Variants in KCNQ5 observed in about 807,000 individuals in gnomAD.
KCNQ5 encodes the protein potassium voltage-gated channel subfamily Q member 5, also known as potassium voltage-gated channel subfamily KQT member 5.
A neutral mutation model predicts 98.2 loss-of-function variants in KCNQ5; 30 were observed. The ratio of observed to expected loss-of-function variants is 0.31; its 90% confidence interval spans 0.23 to 0.41. The LOEUF is 0.41. KCNQ5 is among the 10% of genes least tolerant of loss of function. The pLI is 1.00. For synonymous variants in KCNQ5, 458 were observed against 449.4 expected, an observed-to-expected ratio of 1.02 and a Z score of -0.24; for missense variants, 835 against 1,182.5, an observed-to-expected ratio of 0.71 and a Z score of 4.31.
intron 1 of KCNQ5, among the ~76,000 whole-genome samples, chr6:72,842,628 C>T (rs1310714169): frequency 1.3e-5 from 2 of 152,192 alleles, no homozygotes; most frequent in African/African-American, 4.8e-5. Context: ...TCTATTTCTC[C>T]ACATCCTCTC....
chr6:72,811,533 T>A (rs1024890159), intron 1 of KCNQ5, among the ~76,000 whole-genome samples: 3 of 152,222 alleles, frequency 2.0e-5, no homozygotes, highest in Admixed American at 1.3e-4. Context: ...AATGCTATAT[T>A]CTACCAGTAG....
rs1328544114 is a variant in KCNQ5, at chr6:73,120,553, C to A, written c.1196C>A (p.Ala399Asp). ...SIATWKPHLK[A>D]LHTCSPTKKE... is the part of the protein sequence containing the mutation. ...GCAACCTGGAAGCCACACTTGAAGG[C>A]CTTGCACACCTGCAGCCCTACCAAG... Residue 399 changes from alanine (A) to aspartate (D), a missense_variant, in exon 8 of 14, where the codon GCC (alanine) becomes GAC (aspartate). By Grantham distance (126) the Ala-to-Asp change is moderately radical. Around this residue, in one of 10 missense-constraint regions of KCNQ5, gnomAD observed 146 missense variants for 256.7 expected, o/e 0.57. Coordinates refer to ENST00000370398, the MANE Select transcript of KCNQ5 (RefSeq NM_019842.4). 6 of 1,611,402 alleles carry A rather than the reference C, an allele frequency of 3.7e-6. No individual in the cohort carries two copies. Among genetic ancestry groups the A allele is most frequent in the Non-Finnish European group, 5.1e-6 (6 of 1,178,126 alleles).
At chr6:73,061,974 A>G (rs1295891662) in intron 3 of KCNQ5, among the ~76,000 whole-genome samples, 5 of 152,180 alleles carry the variant, frequency 3.3e-5, no homozygotes, top group African/African-American at 4.8e-5. Flanking sequence ...AATATCTTCA[A>G]TAAGGCATTC....
intron 2 of KCNQ5, among the ~76,000 whole-genome samples, chr6:73,022,474 T>C (rs1026005825): frequency 6.6e-6 from 1 of 152,128 alleles, no homozygotes; most frequent in South Asian, 2.1e-4. Context: ...AGTCCTCATC[T>C]AGCACATGCC....
At chr6:72,734,239 T>C (rs769126799) in intron 1 of KCNQ5, among the ~76,000 whole-genome samples, 1 of 152,250 alleles carries the variant, frequency 6.6e-6, no homozygotes, top group East Asian at 1.9e-4. Flanking sequence ...TGTTATTTAA[T>C]TGAATGTTAA....
chr6:72,917,254 A>C (rs906864786), intron 1 of KCNQ5, among the ~76,000 whole-genome samples: 6 of 152,172 alleles, frequency 3.9e-5, no homozygotes, highest in Non-Finnish European at 2.9e-5. Context: ...TAAGCCAGAA[A>C]AAAATACCAA....
intron 1 of KCNQ5, among the ~76,000 whole-genome samples, chr6:72,744,709 G>A (rs1168332225): frequency 6.6e-6 from 1 of 152,064 alleles, no homozygotes; most frequent in African/African-American, 2.4e-5. Flanking sequence ...TGCTTGGGAG[G>A]CTGAGGCAGG....
chr6:73,026,531 C>T (rs73535910), intron 2 of KCNQ5, among the ~76,000 whole-genome samples: 8,461 of 152,192 alleles, frequency 0.056, 813 homozygotes, highest in African/African-American at 0.19. Flanking sequence ...CACCTTCATC[C>T]TCTTTTATCA....
chr6:72,905,567 G>A (rs946331100), intron 1 of KCNQ5, among the ~76,000 whole-genome samples: 10 of 152,146 alleles, frequency 6.6e-5, no homozygotes, highest in South Asian at 6.2e-4. Flanking sequence ...CCCGTGGGGT[G>A]TTCCCTTGAT....
intron 1 of KCNQ5, among the ~76,000 whole-genome samples, chr6:72,788,095 T>C (rs1773852989): frequency 6.6e-6 from 1 of 152,172 alleles, no homozygotes; most frequent in African/African-American, 2.4e-5. Flanking sequence ...GTGGATGGGC[T>C]CATTGGTAGC....
intron 1 of KCNQ5, among the ~76,000 whole-genome samples, chr6:72,702,881 T>C (rs1433412046): frequency 6.6e-6 from 1 of 152,228 alleles, no homozygotes; most frequent in Admixed American, 6.5e-5. Flanking sequence ...TTAGAATCAG[T>C]CTTGATTACT....
Position 72,988,507 on chromosome 6 carries a change from G to A in KCNQ5, c.399-15401G>A, listed in dbSNP as rs554317109. Among the ~76,000 whole-genome samples, 6 of 152,238 alleles carry A rather than the reference G, an allele frequency of 3.9e-5. No individual in the cohort carries two copies. In the South Asian group the frequency reaches 1.2e-3, roughly 32 times the overall value. On this transcript the variant is annotated intron_variant, in intron 1 of 13. Transcript: ENST00000370398. ...CAATAGACACTGCAGACTACTAGAG[G>A]GGAGGGGAAGGAGAAGGGCGTAGGT...
rs934652872 is a variant in KCNQ5 at position 73,077,992 on chromosome 6, C to T, written c.918+105C>T. The T allele has an allele frequency of 3.0e-4, 270 of 911,594 alleles. 1 individual carries two copies. The highest frequency in any genetic ancestry group is 3.8e-4 in the Non-Finnish European group (241 of 638,102). The allele number at this position is 911,594 out of a possible 1,614,324, so 56.5% of individuals were successfully genotyped here. On this transcript the variant is annotated intron_variant, in intron 5 of 13. Coordinates refer to ENST00000370398, the MANE Select transcript of KCNQ5 (RefSeq NM_019842.4). ...TGGTTTCAATAAAAATATTAAATTG[C>T]GAAAGAGAGTTATATGGAAAATAAA...
At chr6:72,763,770 A>C (rs1197566198) in intron 1 of KCNQ5, among the ~76,000 whole-genome samples, 1 of 151,994 alleles carries the variant, frequency 6.6e-6, no homozygotes, top group Non-Finnish European at 1.5e-5. Flanking sequence ...TGAAAGAACA[A>C]AGTAATGTTT....
At chr6:72,953,583 C>A (rs185627791) in intron 1 of KCNQ5, among the ~76,000 whole-genome samples, 4 of 152,208 alleles carry the variant, frequency 2.6e-5, no homozygotes, top group Admixed American at 6.5e-5. Flanking sequence ...TCTCTTAAGG[C>A]AGCCCCCACC....
In KCNQ5 at chr6:72,622,276, G is replaced by C. The variant is rs1258779237; in HGVS notation, c.87G>C (p.Gly29=). The C allele has an allele frequency of 6.3e-6, 8 of 1,275,880 alleles. No individual in the cohort carries two copies. The highest frequency in any genetic ancestry group is 7.9e-6 in the Non-Finnish European group (8 of 1,014,188). The allele number at this position is 1,275,880 out of a possible 1,614,324, so 79.0% of individuals were successfully genotyped here. A position where few individuals can be genotyped will look rare whatever the true frequency, so the allele number is the denominator to read the frequency against. The change falls in exon 1 of 14, where the codon GGG becomes GGC. Residue 29 remains glycine (G), a synonymous_variant. Transcript: ENST00000370398. The surrounding 1 kb of genome is among the most constrained non-coding windows in gnomAD (Gnocchi z 6.0). ...KSGAAAAAAG[G]GRLGSGMKDV... is the part of the protein sequence containing the mutation. ...GCGCAGCGGCGGCGGCGGCGGGCGG[G>C]GGGCGCTTGGGCAGCGGCATGAAGG... is the stretch of plus-strand genomic sequence containing the variant.
intron 1 of KCNQ5, among the ~76,000 whole-genome samples, chr6:72,690,736 T>C (rs1768178237): frequency 6.6e-6 from 1 of 151,226 alleles, no homozygotes; most frequent in Admixed American, 6.6e-5. Flanking sequence ...AAAAGCCTAA[T>C]AGTACAATAC....
At position 72,803,615 on chromosome 6, in the gene KCNQ5, C is replaced by T. The variant is rs575398347; in HGVS notation, c.398+181028C>T. On this transcript the variant is annotated intron_variant, in intron 1 of 13. Transcript: ENST00000370398. ...GAGGTTTGGCGACATTGTATAAGTA[C>T]TTTAATTGTTATGTAGTTTTGAGAA... 1.1e-3 allele frequency among the ~76,000 whole-genome samples: 172 copies of T among 152,196 alleles called. 1 individual carries two copies. Among genetic ancestry groups the T allele is most frequent in the African/African-American group, 4.0e-3 (166 of 41,540 alleles).
At chr6:73,141,861 C>T (rs1184571148) in intron 10 of KCNQ5, among the ~76,000 whole-genome samples, 1 of 152,216 alleles carries the variant, frequency 6.6e-6, no homozygotes, top group Non-Finnish European at 1.5e-5. Context: ...AAATTACCCT[C>T]AATTTAGTGG....
Sources: allele counts gnomAD v4.1 joint callset (sites outside exome capture counted in the v4.1 genomes callset), GRCh38; gene constraint gnomAD v4.1.1; regional missense constraint gnomAD v4.1.1; non-coding constraint Gnocchi (gnomAD v3.1); transcripts MANE v1.5; gene names NCBI Gene and HGNC (gene_info 2026-07-23, HGNC 2026-07-21).